The following TSPAN15 variants were observed in gnomAD, a reference collection of about 807,000 sequenced individuals.
TSPAN15 encodes tetraspanin 15, also known as tetraspanin-15.
TSPAN15 carries 20 observed loss-of-function variants against 34.5 expected under a neutral mutation model. That is an observed-to-expected ratio of 0.58 (90% CI 0.41 to 0.84). TSPAN15 has a LOEUF of 0.84. TSPAN15 is among the 40% of genes least tolerant of loss of function. The probability of loss-of-function intolerance (pLI) is 0.00; values close to 1 mark genes in which losing one functional copy is unlikely to be tolerated. For synonymous variants in TSPAN15, 155 were observed against 153.9 expected (o/e 1.01, Z -0.05); for missense variants, 313 against 386.1 (o/e 0.81, Z 1.59).
At chr10:69,461,557 G>T (rs1174539809) in intron 1 of TSPAN15, among the ~76,000 whole-genome samples, 1 of 152,218 alleles carries the variant, frequency 6.6e-6, no homozygotes, top group Non-Finnish European at 1.5e-5. Flanking sequence ...CTACCAGAGG[G>T]TTGGCCATGC....
intron 1 of TSPAN15, among the ~76,000 whole-genome samples, chr10:69,472,448 A>C (rs188271533): frequency 7.9e-4 from 120 of 152,190 alleles, no homozygotes; most frequent in African/African-American, 2.7e-3. Context: ...TGATTCCCAC[A>C]TGTGTTGGTG....
Position 69,504,525 on chromosome 10 carries a change from T to C in TSPAN15, c.618+40T>C, listed in dbSNP as rs112326237. The C allele has an allele frequency of 4.0e-3, 6,488 of 1,610,052 alleles. 211 individuals are homozygous for C. The African/African-American group carries it at 0.075, about 19-fold the overall frequency. The stretch of plus-strand genomic sequence containing the variant: ...ATGCCTTTCCCTGGAAATGTTGCTC[T>C]TCCTGGTCCACCCTGGGGTGATCGG... On this transcript the variant is annotated intron_variant, in intron 6 of 7. Transcript: ENST00000373290.
downstream of TSPAN15, among the ~76,000 whole-genome samples, chr10:69,510,580 C>T (rs1842404661): frequency 6.6e-6 from 1 of 152,178 alleles, no homozygotes; most frequent in Admixed American, 6.5e-5. Context: ...TTTCTCTTGC[C>T]TGATTGCCCT....
At chr10:69,539,482 GAGAAGAAGAAGAAGAAGAAGAAGA>G in the TSPAN15 span, among the ~76,000 whole-genome samples, 1 of 67,030 alleles carries the variant, frequency 1.5e-5, no homozygotes. Flanking sequence ...GAAGGAGAAG[GAGAAGAAGAAGAAGAAGAAGAAGA>G]AGAAGAAGAA....
At chr10:69,517,856 G>A in the TSPAN15 span, among the ~76,000 whole-genome samples, 1 of 152,214 alleles carries the variant, frequency 6.6e-6, no homozygotes, top group South Asian at 2.1e-4. Flanking sequence ...CTCCATTAGA[G>A]GAGCCACCAG....
chr10:69,494,632 G>A (rs1842038471), intron 3 of TSPAN15: 2 of 985,382 alleles, frequency 2.0e-6, no homozygotes, highest in South Asian at 4.7e-5. Context: ...TTGGGAAGCT[G>A]AGGCCCAGAG....
the TSPAN15 span, among the ~76,000 whole-genome samples, chr10:69,521,005 T>G: frequency 2.2e-5 from 3 of 133,628 alleles, no homozygotes; most frequent in Admixed American, 7.7e-5. Flanking sequence ...TTTTTTTTTT[T>G]TTTTGGACAA....
the TSPAN15 span, among the ~76,000 whole-genome samples, chr10:69,533,807 C>T: frequency 2.4e-3 from 364 of 152,312 alleles, 3 homozygotes; most frequent in African/African-American, 8.4e-3. Flanking sequence ...GCAGTCTTTG[C>T]GTACTGAGTG....
At chr10:69,486,549 C>T (rs144484250) in intron 3 of TSPAN15, among the ~76,000 whole-genome samples, 8 of 152,362 alleles carry the variant, frequency 5.3e-5, no homozygotes, top group Non-Finnish European at 7.3e-5. Context: ...AGTGATCCTC[C>T]GGCTTTAGCC....
At position 69,458,099 on chromosome 10, in the gene TSPAN15, G is replaced by A. The variant is rs530754774; in HGVS notation, c.96+6409G>A. The stretch of plus-strand genomic sequence containing the variant: ...CTGCCTGACTCCAGTTTCTTCCTCG[G>A]GCCCCCATGACCTTTCCAGGCGCCA... On this transcript the variant is annotated intron_variant, in intron 1 of 7. Coordinates refer to ENST00000373290, the MANE Select transcript of TSPAN15 (RefSeq NM_012339.5). Among the ~76,000 whole-genome samples the A allele has an allele frequency of 5.9e-5, 9 of 152,282 alleles. No individual in the cohort carries two copies. The East Asian group carries it at 1.5e-3, about 26-fold the overall frequency.
intron 2 of TSPAN15, among the ~76,000 whole-genome samples, chr10:69,484,651 C>T (rs1050342409): frequency 2.0e-5 from 3 of 152,194 alleles, no homozygotes; most frequent in Non-Finnish European, 4.4e-5. Flanking sequence ...GTAATGCCTG[C>T]TCTCTAGTAA....
chr10:69,545,305 C>A, the TSPAN15 span, among the ~76,000 whole-genome samples: 1 of 152,168 alleles, frequency 6.6e-6, no homozygotes, highest in Non-Finnish European at 1.5e-5. Flanking sequence ...AAGGACCACC[C>A]TGGGCTTTGG....
chr10:69,521,424 C>G, the TSPAN15 span, among the ~76,000 whole-genome samples: 1 of 147,132 alleles, frequency 6.8e-6, no homozygotes, highest in South Asian at 2.2e-4. Context: ...GCGGGCAGAT[C>G]GCTTGAGGTC....
At chr10:69,527,697 G>C in the TSPAN15 span, among the ~76,000 whole-genome samples, 5,429 of 147,810 alleles carry the variant, frequency 0.037, 475 homozygotes, top group Middle Eastern at 0.049. Flanking sequence ...AGACAAGCTT[G>C]CTTTAGAACA....
At chr10:69,528,817 C>T in the TSPAN15 span, among the ~76,000 whole-genome samples, 12 of 148,184 alleles carry the variant, frequency 8.1e-5, 1 homozygote, top group East Asian at 2.5e-4. Flanking sequence ...CTGTTTGCCC[C>T]GTCTCATGCT....
Position 69,506,705 on chromosome 10 carries a change from G to C in TSPAN15, c.736-124G>C, listed in dbSNP as rs1842334018. The C allele has an allele frequency of 1.0e-6, 1 of 960,618 alleles. No individual in the cohort carries two copies. The highest frequency in any genetic ancestry group is 1.6e-6 in the Non-Finnish European group (1 of 638,122). 59.5% of individuals were successfully genotyped at this position (960,618 alleles called of 1,614,324 possible). A position where few individuals can be genotyped will look rare whatever the true frequency, so the allele number is the denominator to read the frequency against. ...GGGAGAAGTCTCTGCTGTGGGTGTT[G>C]CCCAGGTCACACAGGACCATGAGGG... is the stretch of plus-strand genomic sequence containing the variant. On this transcript the variant is annotated intron_variant, in intron 7 of 7. Coordinates refer to ENST00000373290, the MANE Select transcript of TSPAN15 (RefSeq NM_012339.5). The surrounding 1 kb of genome is among the most constrained non-coding windows in gnomAD (Gnocchi z 4.7).
chr10:69,533,972 T>C, the TSPAN15 span, among the ~76,000 whole-genome samples: 13 of 152,322 alleles, frequency 8.5e-5, no homozygotes, highest in East Asian at 2.3e-3. Flanking sequence ...TTATTAGATG[T>C]GGCATGGGAG....
chr10:69,503,912 C>T (rs565789343), intron 5 of TSPAN15, among the ~76,000 whole-genome samples: 1 of 152,300 alleles, frequency 6.6e-6, no homozygotes, highest in Non-Finnish European at 1.5e-5. Context: ...GAGCACCTCT[C>T]TTCCCAAGAA....
rs1842358501 is a variant in TSPAN15, at chr10:69,507,500, T to G, written c.*522T>G. The stretch of plus-strand genomic sequence containing the variant: ...GAGCCCTCTTGCAAGGGCGGCTGCT[T>G]CCTTGAGCCTAGTTTTTTTACGTGA... On this transcript the variant is annotated 3_prime_UTR_variant, in exon 8 of 8. Coordinates refer to ENST00000373290, the MANE Select transcript of TSPAN15 (RefSeq NM_012339.5). 1 of 1,304,428 alleles carries G rather than the reference T, an allele frequency of 7.7e-7. No individual in the cohort carries two copies. The highest frequency in any genetic ancestry group is 1.0e-6 in the Non-Finnish European group (1 of 989,298). 80.8% of individuals were successfully genotyped at this position (1,304,428 alleles called of 1,614,324 possible). A position where few individuals can be genotyped will look rare whatever the true frequency, so the allele number is the denominator to read the frequency against.
Sources: allele counts gnomAD v4.1 joint callset (sites outside exome capture counted in the v4.1 genomes callset), GRCh38; gene constraint gnomAD v4.1.1; non-coding constraint Gnocchi (gnomAD v3.1); transcripts MANE v1.5; gene names NCBI Gene and HGNC (gene_info 2026-07-23, HGNC 2026-07-21).